The following PEAK1 variants were observed in gnomAD, a reference collection of about 807,000 sequenced individuals.
PEAK1 encodes the protein inactive tyrosine-protein kinase PEAK1.
Under a neutral mutation model 124.7 loss-of-function variants are expected in PEAK1, and 54 were observed. The ratio of observed to expected loss-of-function variants is 0.43; its 90% CI spans 0.35 to 0.54. PEAK1 has a LOEUF of 0.54. Among genes scored for constraint, PEAK1 ranks in the 20% least tolerant of loss-of-function variants. The pLI, the probability that PEAK1 is intolerant of heterozygous loss-of-function variation, is 0.01. For missense variants in PEAK1, 2,046 were observed against 2,134.5 expected, an observed-to-expected ratio of 0.96 and a Z score of 0.82; for synonymous variants, 719 against 760.0, an observed-to-expected ratio of 0.95 and a Z score of 0.89.
At chr15:77,241,187 A>T (rs1327109333) in intron 6 of PEAK1, among the ~76,000 whole-genome samples, 1 of 152,154 alleles carries the variant, frequency 6.6e-6, no homozygotes, top group African/African-American at 2.4e-5. Context: ...AATTTTTTTT[A>T]AAAATCCATA....
chr15:77,278,301 A>G lies in PEAK1; in HGVS notation c.-275+5582T>C, dbSNP rs190559104. ...AAAGAATGAACTACTAATACACACAACATATGAATTTCAAAAAATTAAGCT... is the reference window on the plus strand; with the variant it reads ...AAAGAATGAACTACTAATACACACAGCATATGAATTTCAAAAAATTAAGCT... On this transcript the variant is annotated intron_variant, in intron 5 of 9. Transcript: ENST00000682557. Among the ~76,000 whole-genome samples the G allele has an allele frequency of 3.8e-3, 573 of 152,292 alleles. 4 individuals are homozygous for G. Among genetic ancestry groups the G allele is most frequent in the Admixed American group, 9.2e-3 (140 of 15,288 alleles).
rs138114175 is a variant in PEAK1 at position 77,362,881 on chromosome 15, A to T, written c.-603+2282T>A. ...TTTATTTATTTATTTTTTTAGACGG[A>T]GTCTTACTCTGTAACCCAGGCTGGA... On this transcript the variant is annotated intron_variant, in intron 2 of 9. Transcript: ENST00000682557. Among the ~76,000 whole-genome samples, 254 of 152,238 alleles carry T rather than the reference A, an allele frequency of 1.7e-3. 6 individuals carry two copies. In the East Asian group the frequency reaches 0.043, roughly 26 times the overall value.
At chr15:77,213,234 T>C (rs1221971371) in intron 6 of PEAK1, among the ~76,000 whole-genome samples, 2 of 152,038 alleles carry the variant, frequency 1.3e-5, no homozygotes, top group Admixed American at 6.6e-5. Context: ...TAAAAAATGG[T>C]CCCTATACAC....
intron 7 of PEAK1, among the ~76,000 whole-genome samples, chr15:77,165,910 T>C (rs1176541311): frequency 6.6e-6 from 1 of 152,202 alleles, no homozygotes; most frequent in Non-Finnish European, 1.5e-5. Context: ...ATAGATACCA[T>C]GCAACTCTAA....
intron 8 of PEAK1, chr15:77,157,092 A>T (rs912354276): frequency 1.3e-5 from 2 of 152,248 alleles, no homozygotes; most frequent in African/African-American, 2.4e-5. Flanking sequence ...GAGATATTAA[A>T]GTATTATCTC....
At chr15:77,162,423 G>A (rs562368852) in intron 7 of PEAK1, among the ~76,000 whole-genome samples, 36 of 149,360 alleles carry the variant, frequency 2.4e-4, no homozygotes, top group African/African-American at 8.6e-4. Flanking sequence ...GAACCTGGGA[G>A]GCAGAGGTTG....
intron 1 of PEAK1, among the ~76,000 whole-genome samples, chr15:77,368,870 T>C (rs759338828): frequency 5.9e-5 from 9 of 152,178 alleles, no homozygotes; most frequent in East Asian, 1.9e-4. Context: ...TACTCCATTA[T>C]AGGGAATACA....
intron 2 of PEAK1, among the ~76,000 whole-genome samples, chr15:77,311,564 C>T (rs1222569273): frequency 1.3e-5 from 2 of 151,024 alleles, no homozygotes; most frequent in East Asian, 1.9e-4. Flanking sequence ...CCTAGCTACT[C>T]GGGAGGCTGA....
At chr15:77,406,248 C>T (rs2071809007) in intron 1 of PEAK1, among the ~76,000 whole-genome samples, 1 of 151,940 alleles carries the variant, frequency 6.6e-6, no homozygotes, top group Non-Finnish European at 1.5e-5. Context: ...TTCCAAAAGG[C>T]AAATAAATGA....
intron 9 of PEAK1, among the ~76,000 whole-genome samples, chr15:77,127,803 G>A (rs543948010): frequency 6.6e-6 from 1 of 152,336 alleles, no homozygotes; most frequent in East Asian, 1.9e-4. Flanking sequence ...GGTGAGGCCA[G>A]GCGTTGTGGC....
chr15:77,328,604 GTC>G (rs2065716295), intron 2 of PEAK1, among the ~76,000 whole-genome samples: 1 of 152,146 alleles, frequency 6.6e-6, no homozygotes, highest in South Asian at 2.1e-4. Context: ...CCATAATGTA[GTC>G]TGATTGGTGA....
chr15:77,214,250 G>A (rs947013319), intron 6 of PEAK1, among the ~76,000 whole-genome samples: 5 of 152,074 alleles, frequency 3.3e-5, no homozygotes, highest in African/African-American at 1.2e-4. Context: ...CATTTCAGTT[G>A]GGTAAATACC....
intron 6 of PEAK1, among the ~76,000 whole-genome samples, chr15:77,225,603 T>C (rs2152886486): frequency 6.9e-6 from 1 of 145,364 alleles, no homozygotes; most frequent in Non-Finnish European, 1.5e-5. Flanking sequence ...TAAGCAATGG[T>C]GAAATCTGAG....
At chr15:77,368,577 C>CT (rs1258636156) in intron 1 of PEAK1, among the ~76,000 whole-genome samples, 2 of 150,730 alleles carry the variant, frequency 1.3e-5, no homozygotes, top group East Asian at 1.9e-4. Flanking sequence ...GTTTAAAACT[C>CT]TAAGAAATTG....
intron 9 of PEAK1, among the ~76,000 whole-genome samples, chr15:77,129,721 C>T (rs180962754): frequency 1.4e-4 from 21 of 151,920 alleles, no homozygotes; most frequent in Admixed American, 1.2e-3. Context: ...GTTGAGATTA[C>T]AGGCGTGAGC....
intron 1 of PEAK1, among the ~76,000 whole-genome samples, chr15:77,380,448 G>A (rs912538343): frequency 2.0e-5 from 3 of 151,960 alleles, no homozygotes; most frequent in East Asian, 1.9e-4. Context: ...TATTATGTAC[G>A]TGGTCCACTG....
At chr15:77,131,921 C>G (rs1480960272) in intron 9 of PEAK1, among the ~76,000 whole-genome samples, 6 of 151,574 alleles carry the variant, frequency 4.0e-5, no homozygotes, top group Non-Finnish European at 5.9e-5. Flanking sequence ...TCTACCAAAA[C>G]CAAAAAAATC....
At chr15:77,411,743 C>T (rs187554557) in intron 1 of PEAK1, among the ~76,000 whole-genome samples, 1 of 152,252 alleles carries the variant, frequency 6.6e-6, no homozygotes, top group African/African-American at 2.4e-5. Flanking sequence ...GTAGCTAAAA[C>T]AGGCATGGGC....
At chr15:77,315,853 AC>A (rs777601048) in intron 2 of PEAK1, among the ~76,000 whole-genome samples, 165 of 152,174 alleles carry the variant, frequency 1.1e-3, no homozygotes, top group Non-Finnish European at 1.4e-3. Flanking sequence ...AGACCTGAAA[AC>A]TAAATGTAAG....
Sources: allele counts gnomAD v4.1 joint callset (sites outside exome capture counted in the v4.1 genomes callset), GRCh38; gene constraint gnomAD v4.1.1; transcripts MANE v1.5; gene names NCBI Gene and HGNC (gene_info 2026-07-23, HGNC 2026-07-21).